Variants in C2orf78 observed in about 807,000 individuals in gnomAD.
The protein encoded by C2orf78 is uncharacterized protein C2orf78.
C2orf78 carries 12 observed loss-of-function variants against 21.4 expected under a neutral mutation model. That is an observed-to-expected ratio of 0.56 (90% CI 0.36 to 0.91). C2orf78 has a LOEUF of 0.91. Among genes scored for constraint, C2orf78 ranks in the 40% least tolerant of loss-of-function variants. The pLI, the probability that C2orf78 is intolerant of heterozygous loss-of-function variation, is 0.01. For synonymous variants in C2orf78, 396 were observed against 413.9 expected (o/e 0.96, Z 0.52); for missense variants, 1,042 against 1,092.4 (o/e 0.95, Z 0.65).
At chr2:73,812,374 ATCTTCCT>A (rs1200795400) in intron 1 of C2orf78, among the ~76,000 whole-genome samples, 4 of 152,190 alleles carry the variant, frequency 2.6e-5, no homozygotes, top group African/African-American at 9.6e-5. Context: ...AACTTACTAT[ATCTTCCT>A]CATTATAAGT....
chr2:73,786,185 G>T (rs1672929170), intron 1 of C2orf78, among the ~76,000 whole-genome samples: 1 of 151,972 alleles, frequency 6.6e-6, no homozygotes, highest in African/African-American at 2.4e-5. Flanking sequence ...TTGGAGACCA[G>T]CCTAGGCAAC....
chr2:73,809,081 T>G (rs1421123413), intron 1 of C2orf78, among the ~76,000 whole-genome samples: 15 of 152,248 alleles, frequency 9.9e-5, no homozygotes, highest in Middle Eastern at 6.8e-3. Flanking sequence ...TTTAGATAAC[T>G]TTTATTCTCT....
At position 73,786,209 on chromosome 2, in the gene C2orf78, AT is replaced by A. The variant is rs1192238928; in HGVS notation, c.97+1806del. ...AGCCTAGGCAACATGGTGAAACCCCATTTCTCCTGAAAATATAAGAATTAGC... is the reference window on the plus strand; with the variant it reads ...AGCCTAGGCAACATGGTGAAACCCCATTCTCCTGAAAATATAAGAATTAGC... On this transcript the variant is annotated intron_variant, in intron 1 of 2. Transcript: ENST00000409561. Among the ~76,000 whole-genome samples the A allele has an allele frequency of 3.3e-5, 5 of 151,746 alleles. No homozygotes were observed. The East Asian group carries it at 5.9e-4, about 18-fold the overall frequency.
At chr2:73,814,710 A>G (rs1673158579) in intron 2 of C2orf78, among the ~76,000 whole-genome samples, 1 of 152,178 alleles carries the variant, frequency 6.6e-6, no homozygotes, top group African/African-American at 2.4e-5. Context: ...TCCACTCTCT[A>G]CCTTACCCTA....
At chr2:73,807,966 G>T (rs925956353) in intron 1 of C2orf78, among the ~76,000 whole-genome samples, 2 of 151,088 alleles carry the variant, frequency 1.3e-5, no homozygotes, top group South Asian at 4.2e-4. Flanking sequence ...CCTTAAAATC[G>T]GCAGTAGGGC....
exon 3 of C2orf78, chr2:73,815,544 T>C: frequency 6.2e-7 from 1 of 1,613,950 alleles, no homozygotes; most frequent in Middle Eastern, 1.6e-4. Context: ...TAGCAGTGAT[T>C]TGGCAGACAT....
In C2orf78 at chr2:73,807,844, G is replaced by T. The variant is rs558968300; in HGVS notation, c.98-5633G>T. Among the ~76,000 whole-genome samples, 193 of 148,996 alleles carry T rather than the reference G, an allele frequency of 1.3e-3. 13 individuals carry two copies. The highest frequency in any genetic ancestry group is 4.7e-3 in the African/African-American group (186 of 39,312). ...CAGCCCAAAGAAGGTGGAATTCAAG[G>T]AGAAGAAACTAAAAGAGAAGAGCCT... On this transcript the variant is annotated intron_variant, in intron 1 of 2. Transcript: ENST00000409561.
exon 2 of C2orf78, chr2:73,814,182 A>G (rs757891003): frequency 1.2e-6 from 2 of 1,600,224 alleles, no homozygotes; most frequent in Non-Finnish European, 1.7e-6. Flanking sequence ...TCTGGGATGT[A>G]TTACTCTGTG....
At chr2:73,785,739 T>C (rs940900884) in intron 1 of C2orf78, among the ~76,000 whole-genome samples, 1 of 152,006 alleles carries the variant, frequency 6.6e-6, no homozygotes, top group Non-Finnish European at 1.5e-5. Flanking sequence ...GTTTGTAATA[T>C]AAACATTTTG....
chr2:73,785,667 A>G (rs1672911327), intron 1 of C2orf78, among the ~76,000 whole-genome samples: 2 of 152,124 alleles, frequency 1.3e-5, no homozygotes, highest in Admixed American at 1.3e-4. Context: ...AAAGCAGCTT[A>G]TCAGAAGTCA....
exon 3 of C2orf78, chr2:73,816,447 G>C (rs1483924223): frequency 6.2e-7 from 1 of 1,613,732 alleles, no homozygotes; most frequent in Non-Finnish European, 8.5e-7. Context: ...AAACCCTCTA[G>C]CCTCACGTAG....
chr2:73,815,474 T>C, exon 3 of C2orf78: 2 of 1,613,836 alleles, frequency 1.2e-6, no homozygotes, highest in Non-Finnish European at 1.7e-6. Flanking sequence ...AAAATGCCAA[T>C]CTAAGAAATA....
chr2:73,816,371 C>A, exon 3 of C2orf78: 1 of 1,613,876 alleles, frequency 6.2e-7, no homozygotes, highest in South Asian at 1.1e-5. Context: ...CTGGGAAGGT[C>A]AAGTTGATAC....
chr2:73,815,403 G>C (rs771119908), exon 3 of C2orf78: 3 of 1,613,792 alleles, frequency 1.9e-6, no homozygotes, highest in Admixed American at 3.3e-5. Context: ...AGAAATCCCC[G>C]ATATTCACCC....
At chr2:73,815,049 T>C in intron 2 of C2orf78, 22 bp from the exon 3 acceptor site, 1 of 1,588,438 alleles carries the variant, frequency 6.3e-7, no homozygotes, top group South Asian at 1.2e-5. Flanking sequence ...AGGGACTGAC[T>C]TCTTCCTTGA....
chr2:73,784,481 A>G, intron 1 of C2orf78, 75 bp downstream of exon 1: 1 of 555,780 alleles, frequency 1.8e-6, no homozygotes, highest in Non-Finnish European at 3.2e-6. Flanking sequence ...TTCCCCCTAT[A>G]TTCCCAAACA....
chr2:73,811,675 C>G (rs1673092179), intron 1 of C2orf78, among the ~76,000 whole-genome samples: 1 of 152,040 alleles, frequency 6.6e-6, no homozygotes, highest in South Asian at 2.1e-4. Context: ...TTGAACTTTC[C>G]TACATTCAAA....
At chr2:73,812,351 T>A (rs929398101) in intron 1 of C2orf78, among the ~76,000 whole-genome samples, 2 of 152,244 alleles carry the variant, frequency 1.3e-5, no homozygotes, top group Non-Finnish European at 2.9e-5. Flanking sequence ...AATTATTTTG[T>A]CTGTTTTTTC....
chr2:73,813,638 A>G, exon 2 of C2orf78: 1 of 1,613,922 alleles, frequency 6.2e-7, no homozygotes, highest in Non-Finnish European at 8.5e-7. Context: ...AGCCTCTGGC[A>G]CCTCCTTCCA....
Sources: allele counts gnomAD v4.1 joint callset (sites outside exome capture counted in the v4.1 genomes callset), GRCh38; gene constraint gnomAD v4.1.1; transcripts MANE v1.5; gene names NCBI Gene and HGNC (gene_info 2026-07-23, HGNC 2026-07-21).